The following NAV3 variants were observed in gnomAD, a reference collection of about 807,000 sequenced individuals.
The protein encoded by NAV3 is neuron navigator 3, also known as pore membrane and/or filament interacting like protein 1.
In NAV3, 87 loss-of-function variants were observed where a neutral mutation model predicts 244.7. The ratio of observed to expected loss-of-function variants is 0.36; its 90% CI spans 0.30 to 0.42. The LOEUF is 0.42. Ranked by LOEUF, NAV3 falls within the 20% of genes least tolerant of loss-of-function variation. The probability of loss-of-function intolerance (pLI) is 1.00; values close to 1 mark genes in which losing one functional copy is unlikely to be tolerated. For synonymous variants in NAV3, 1,126 were observed against 1,042.2 expected (o/e 1.08, Z -1.55); for missense variants, 2,663 against 2,893.3 (o/e 0.92, Z 1.83).
rs183366199 is a variant in NAV3 at position 78,031,282 on chromosome 12, C to T, written c.2023+9420C>T. Among the ~76,000 whole-genome samples the T allele has an allele frequency of 2.4e-3, 359 of 152,234 alleles. 3 individuals carry two copies. The highest frequency in any genetic ancestry group is 7.9e-3 in the African/African-American group (327 of 41,536). ...TAAGCCTACCTGGAAGTACTGGTGT[C>T]GTTTTGTGTGTCTGGTATCCATTGC... is the stretch of plus-strand genomic sequence containing the variant. On this transcript the variant is annotated intron_variant, in intron 9 of 39. Coordinates refer to ENST00000397909, the MANE Select transcript of NAV3 (RefSeq NM_001024383.2).
intron 1 of NAV3, among the ~76,000 whole-genome samples, chr12:77,883,141 G>A (rs1882868460): frequency 6.6e-6 from 1 of 152,100 alleles, no homozygotes; most frequent in African/African-American, 2.4e-5. Flanking sequence ...GCACTCATAA[G>A]TTCATCCCCA....
intron 1 of NAV3, among the ~76,000 whole-genome samples, chr12:77,922,259 T>A (rs531687223): frequency 2.0e-5 from 3 of 152,026 alleles, no homozygotes; most frequent in South Asian, 2.1e-4. Flanking sequence ...ACCAGAGAGG[T>A]TTTTTTGGGT....
intron 18 of NAV3, among the ~76,000 whole-genome samples, chr12:78,131,766 T>C (rs967904717): frequency 1.1e-4 from 17 of 152,192 alleles, no homozygotes; most frequent in African/African-American, 2.9e-4. Flanking sequence ...CTAGGTTATA[T>C]TGTAAAGAAT....
intron 1 of NAV3, among the ~76,000 whole-genome samples, chr12:77,913,015 T>C (rs1291517728): frequency 1.3e-5 from 2 of 152,110 alleles, no homozygotes; most frequent in African/African-American, 4.8e-5. Flanking sequence ...CCCTTAATAA[T>C]TTTCAGTTTA....
chr12:77,572,088 G>C (rs1868853122), exon 2 of NAV3: 2 of 154,382 alleles, frequency 1.3e-5, no homozygotes, highest in Non-Finnish European at 2.9e-5. Flanking sequence ...CGGAAACGGT[G>C]TGTGATGGGG....
rs1265403019 is a variant in NAV3 at position 78,198,640 on chromosome 12, C to T, written c.6482C>T (p.Ser2161Phe). Residue 2161 changes from serine to phenylalanine, a missense_variant, in exon 36 of 40, where the codon TCT becomes TTT. By Grantham distance (155) the Ser-to-Phe change is radical (BLOSUM62 -2). Coordinates refer to ENST00000397909, the MANE Select transcript of NAV3 (RefSeq NM_001024383.2). ...YIIGTMNQGV[S>F]SSPNLELHHN... ...ATTGGAACAATGAATCAGGGAGTTT[C>T]TTCATCACCAAATCTAGAGCTGCAT... 1 of 1,589,510 alleles carries T rather than the reference C, an allele frequency of 6.3e-7. No individual in the cohort carries two copies. Among genetic ancestry groups the T allele is most frequent in the Non-Finnish European group, 8.6e-7 (1 of 1,166,946 alleles).
intron 8 of NAV3, among the ~76,000 whole-genome samples, chr12:78,013,734 G>A (rs1875702067): frequency 6.6e-6 from 1 of 152,102 alleles, no homozygotes. Flanking sequence ...TTGTTTGTGG[G>A]AGAGGTCAGA....
At chr12:77,851,167 C>T (rs1224365474) in intron 1 of NAV3, among the ~76,000 whole-genome samples, 1 of 152,186 alleles carries the variant, frequency 6.6e-6, no homozygotes, top group Non-Finnish European at 1.5e-5. Context: ...TTCTTTCAAC[C>T]TTCACCCTGC....
intron 3 of NAV3, among the ~76,000 whole-genome samples, chr12:77,952,090 T>C (rs1311045848): frequency 6.6e-6 from 1 of 151,118 alleles, no homozygotes; most frequent in African/African-American, 2.4e-5. Context: ...AAAAACAGGT[T>C]GTTTGTTTTC....
intron 2 of NAV3, among the ~76,000 whole-genome samples, chr12:77,628,902 C>CAA (rs200250331): frequency 3.5e-5 from 3 of 86,648 alleles, no homozygotes; most frequent in South Asian, 3.6e-4. Context: ...ACCCTGTCTC[C>CAA]AAAAAAAAAA....
intron 1 of NAV3, among the ~76,000 whole-genome samples, chr12:77,874,082 A>G (rs1434438643): frequency 1.3e-5 from 2 of 151,940 alleles, no homozygotes; most frequent in African/African-American, 4.8e-5. Context: ...TTTAAGGCAG[A>G]ACAGTTTCTT....
intron 9 of NAV3, among the ~76,000 whole-genome samples, chr12:78,041,367 G>A (rs181662099): frequency 8.5e-5 from 13 of 152,266 alleles, no homozygotes; most frequent in South Asian, 2.1e-4. Flanking sequence ...TGGCTGTTTC[G>A]TCAACCACCC....
At chr12:77,841,945 G>A (rs1348682479) in intron 1 of NAV3, among the ~76,000 whole-genome samples, 3 of 152,114 alleles carry the variant, frequency 2.0e-5, no homozygotes, top group Admixed American at 2.0e-4. Context: ...AATTTCAAGA[G>A]AGACTAGGAA....
intron 18 of NAV3, among the ~76,000 whole-genome samples, chr12:78,132,994 A>T (rs1391263091): frequency 1.3e-5 from 2 of 152,158 alleles, no homozygotes; most frequent in Non-Finnish European, 2.9e-5. Flanking sequence ...TTATCTTCAG[A>T]ATATCTCCTA....
In NAV3 at chr12:78,006,558, A is replaced by G. The variant is rs373918851; in HGVS notation, c.1020A>G (p.Lys340=). Residue 340 remains lysine, a synonymous_variant, in exon 8 of 40, where the codon AAA becomes AAG. Transcript: ENST00000397909. ...GGCGCAGCAAGTCCATGAATGTCAAACACAGTGCCACCTCCACCATGTTGA... is the reference window on the plus strand; with the variant it reads ...GGCGCAGCAAGTCCATGAATGTCAAGCACAGTGCCACCTCCACCATGTTGA... The part of the protein sequence containing the change: ...KPWRSKSMNV[K]HSATSTMLTV... 4 of 1,613,972 alleles carry G rather than the reference A, an allele frequency of 2.5e-6. No homozygotes were observed. The highest frequency in any genetic ancestry group is 1.6e-4 in the Middle Eastern group (1 of 6,062).
intron 2 of NAV3, among the ~76,000 whole-genome samples, chr12:77,778,529 G>A (rs898888381): frequency 2.7e-5 from 4 of 150,552 alleles, no homozygotes; most frequent in African/African-American, 7.3e-5. Flanking sequence ...GGAGAATGGC[G>A]TGAACTCAGG....
At chr12:77,580,668 G>C (rs1869319911) in intron 2 of NAV3, among the ~76,000 whole-genome samples, 1 of 152,170 alleles carries the variant, frequency 6.6e-6, no homozygotes, top group South Asian at 2.1e-4. Context: ...CTAAATATTA[G>C]AGTTTTGTTT....
rs1245011786 is a variant in NAV3 at position 77,658,281 on chromosome 12, T to A, written c.72+86015T>A. Reference sequence around the variant, plus strand: ...AAAGTCTCAGGATACAAACTCAATGTACAAAAATCACAAGCATTCTTATAC... The same window carrying A: ...AAAGTCTCAGGATACAAACTCAATGAACAAAAATCACAAGCATTCTTATAC... On this transcript the variant is annotated intron_variant, in intron 2 of 8. Coordinates refer to the NAV3 transcript ENST00000550042. Among the ~76,000 whole-genome samples, 15 of 152,000 alleles carry A rather than the reference T, an allele frequency of 9.9e-5. No individual in the cohort carries two copies. In the East Asian group the frequency reaches 1.9e-3, roughly 20 times the overall value.
intron 1 of NAV3, among the ~76,000 whole-genome samples, chr12:77,896,852 A>G (rs1884682979): frequency 6.6e-6 from 1 of 152,154 alleles, no homozygotes; most frequent in Non-Finnish European, 1.5e-5. Flanking sequence ...TTTTCCATGT[A>G]GACTTTAAAC....
Sources: allele counts gnomAD v4.1 joint callset (sites outside exome capture counted in the v4.1 genomes callset), GRCh38; gene constraint gnomAD v4.1.1; transcripts MANE v1.5; gene names NCBI Gene and HGNC (gene_info 2026-07-23, HGNC 2026-07-21).